Variants in SRP72 observed in about 807,000 individuals in gnomAD.
SRP72 encodes the protein signal recognition particle 72.
SRP72 carries 49 observed loss-of-function variants against 96.3 expected under a neutral mutation model. That is an observed-to-expected ratio of 0.51 (90% CI 0.40 to 0.65). SRP72 has a LOEUF of 0.65. Ranked by LOEUF, SRP72 falls within the 30% of genes least tolerant of loss-of-function variation. The pLI is 0.00. For missense variants in SRP72, 736 were observed against 793.3 expected, an observed-to-expected ratio of 0.93 and a Z score of 0.87; for synonymous variants, 267 against 275.2, an observed-to-expected ratio of 0.97 and a Z score of 0.30.
intron 8 of SRP72, 99 bp downstream of exon 8, chr4:56,478,748 C>A: frequency 1.6e-6 from 2 of 1,270,476 alleles, no homozygotes; most frequent in Non-Finnish European, 2.2e-6. Context: ...TTCTTTTTAA[C>A]ATGATGAAAA....
chr4:56,473,633 C>T (rs1223741886), intron 3 of SRP72, among the ~76,000 whole-genome samples: 2 of 147,608 alleles, frequency 1.4e-5, no homozygotes, highest in African/African-American at 2.5e-5. Context: ...GGCATGGTGG[C>T]GCACGTCTGT....
chr4:56,494,692 C>T (rs1322645989), intron 16 of SRP72, among the ~76,000 whole-genome samples: 1 of 152,182 alleles, frequency 6.6e-6, no homozygotes, highest in Non-Finnish European at 1.5e-5. Context: ...ACGTGAGCCA[C>T]TGTTCCCAGC....
chr4:56,469,440 C>CT lies in SRP72; in HGVS notation c.110-212dup, dbSNP rs1326583714. On this transcript the variant is annotated intron_variant, in intron 1 of 18. Coordinates refer to ENST00000642900, the MANE Select transcript of SRP72 (RefSeq NM_006947.4). ...CTCATTGAAAATTTAATCTATAACT[C>CT]TCCTTATTGTCACTTCTTAAGTTAA... is the stretch of plus-strand genomic sequence containing the variant. 2.0e-5 allele frequency among the ~76,000 whole-genome samples: 3 copies of CT among 152,132 alleles called. 1 individual carries two copies. The highest frequency in any genetic ancestry group is 2.0e-4 in the Admixed American group (3 of 15,262).
rs150748877 is a variant in SRP72 at position 56,491,464 on chromosome 4, G to C, written c.1536G>C (p.Met512Ile). The C allele has an allele frequency of 6.2e-6, 10 of 1,613,914 alleles. No individual in the cohort carries two copies. The East Asian group carries it at 1.1e-4, about 18-fold the overall frequency. Residue 512 changes from methionine (M) to isoleucine (I), a missense_variant, in exon 16 of 19, where the codon ATG becomes ATC. Met to Ile is a conservative substitution (Grantham distance 10, BLOSUM62 1). Around this residue, in one of 3 missense-constraint regions of SRP72, gnomAD observed 388 missense variants for 431.8 expected, o/e 0.90. Coordinates refer to ENST00000642900, the MANE Select transcript of SRP72 (RefSeq NM_006947.4). Reference protein sequence around the residue: ...LSKHLPSSDSMSLKVDVEALE... With the variant: ...LSKHLPSSDSISLKVDVEALE... The stretch of plus-strand genomic sequence containing the variant: ...AACACTTGCCATCGTCAGATAGTAT[G>C]TCTCTAAAAGTAGATGTTGAGGCTC...
At position 56,490,384 on chromosome 4, in the gene SRP72, C is replaced by T. The variant is rs2110127006; in HGVS notation, c.1372C>T (p.Leu458Phe). 1 of 1,613,976 alleles carries T rather than the reference C, an allele frequency of 6.2e-7. No individual in the cohort carries two copies. Among genetic ancestry groups the T allele is most frequent in the Admixed American group, 1.7e-5 (1 of 59,996 alleles). Residue 458 changes from leucine to phenylalanine, a missense_variant, in exon 14 of 19, where the codon CTC becomes TTC. Leu to Phe is a conservative substitution (Grantham distance 22, BLOSUM62 0). This residue lies in a region of SRP72 where 388 missense variants were observed against 431.8 expected (regional missense o/e 0.90). Coordinates refer to ENST00000642900, the MANE Select transcript of SRP72 (RefSeq NM_006947.4). ...SLIREAANFK[L>F]KYGRKKEAIS... ...GATAAGAGAAGCTGCAAACTTCAAACTCAAATATGGGCGGAAGAAGGAGGC... is the reference window on the plus strand; with the variant it reads ...GATAAGAGAAGCTGCAAACTTCAAATTCAAATATGGGCGGAAGAAGGAGGC...
intron 3 of SRP72, among the ~76,000 whole-genome samples, chr4:56,473,256 G>A (rs930710239): frequency 3.3e-5 from 5 of 151,946 alleles, no homozygotes; most frequent in Non-Finnish European, 7.4e-5. Context: ...TCAGGAGATC[G>A]AGACCATCCT....
intron 5 of SRP72, chr4:56,475,831 A>C (rs1720196215): frequency 6.6e-6 from 1 of 152,190 alleles, no homozygotes; most frequent in African/African-American, 2.4e-5. Context: ...AACTTGAGGA[A>C]ATGATTAGAT....
At position 56,471,731 on chromosome 4, in the gene SRP72, C is replaced by A. The variant is rs1387532844; in HGVS notation, c.242C>A (p.Ser81Tyr). Residue 81 changes from serine (S) to tyrosine (Y), a missense_variant, in exon 3 of 19, where the codon TCC becomes TAC. Ser to Tyr is a moderately radical substitution (Grantham distance 144). Transcript: ENST00000642900. ...HTKVLANNSL[S>Y]FEKAYCEYRL... ...TTTTCCTTCTTCAGTAACTCTCTCT[C>A]CTTTGAAAAGGCATATTGCGAGTAC... 2 of 1,612,350 alleles carry A rather than the reference C, an allele frequency of 1.2e-6. No homozygotes were observed. The highest frequency in any genetic ancestry group is 1.7e-6 in the Non-Finnish European group (2 of 1,179,430).
At chr4:56,489,356 G>A (rs1376494180) in intron 12 of SRP72, 32 bp from the exon 13 acceptor site, 1 of 1,269,058 alleles carries the variant, frequency 7.9e-7, no homozygotes, top group South Asian at 1.5e-5. Context: ...AGTGAAGGGG[G>A]AGTTCACTAA....
chr4:56,476,744 G>C (rs778096678), intron 6 of SRP72, 42 bp downstream of exon 6: 3 of 1,585,002 alleles, frequency 1.9e-6, no homozygotes, highest in Non-Finnish European at 2.6e-6. Context: ...TTACACTTCT[G>C]ACTATGATAG....
Position 56,501,769 on chromosome 4 carries a change from A to G in SRP72, c.1924A>G (p.Ile642Val), listed in dbSNP as rs778759548. ...ATVSASTSNI[I>V]PPRHQKPAGA... ...AGTATCTGCCTCTACAAGTAACATCATACCCCCAAGACACCAGAAACCTGC... is the reference window on the plus strand; with the variant it reads ...AGTATCTGCCTCTACAAGTAACATCGTACCCCCAAGACACCAGAAACCTGC... The change falls in exon 19 of 19, where the codon ATA becomes GTA. Residue 642 changes from isoleucine (I) to valine (V), a missense_variant. Transcript: ENST00000642900. The G allele has an allele frequency of 6.2e-7, 1 of 1,614,046 alleles. No homozygotes were observed. The highest frequency in any genetic ancestry group is 1.3e-5 in the African/African-American group (1 of 74,916).
intron 5 of SRP72, among the ~76,000 whole-genome samples, chr4:56,474,770 C>T (rs187660421): frequency 3.5e-3 from 528 of 152,164 alleles, no homozygotes; most frequent in Non-Finnish European, 5.6e-3. Context: ...TTTCACCCTC[C>T]GCCTCCCAGG....
chr4:56,480,090 A>G (rs997543183), intron 8 of SRP72, among the ~76,000 whole-genome samples: 19 of 152,164 alleles, frequency 1.2e-4, no homozygotes, highest in Non-Finnish European at 2.4e-4. Context: ...CTCCTGTGGC[A>G]GAAATGTAGT....
chr4:56,470,365 C>A (rs1222933736), intron 2 of SRP72, among the ~76,000 whole-genome samples: 1 of 151,970 alleles, frequency 6.6e-6, no homozygotes, highest in Non-Finnish European at 1.5e-5. Flanking sequence ...ATGGTGAAAC[C>A]CCATGTCTAC....
rs1473458044 is a variant in SRP72 at position 56,467,652 on chromosome 4, G to C, written c.17G>C (p.Ser6Thr). ...TCCTCCAAGATGGCGAGCGGCGGCAGCGGGGGGGTGTCAGTACCTGCGCTG... is the reference window on the plus strand; with the variant it reads ...TCCTCCAAGATGGCGAGCGGCGGCACCGGGGGGGTGTCAGTACCTGCGCTG... MASGG[S>T]GGVSVPALWS... Residue 6 changes from serine to threonine, a missense_variant, in exon 1 of 19, where the codon AGC (serine) becomes ACC (threonine). Physicochemically the swap from Ser to Thr is moderately conservative, Grantham distance 58. Coordinates refer to ENST00000642900, the MANE Select transcript of SRP72 (RefSeq NM_006947.4). 6.4e-7 allele frequency: 1 copy of C among 1,560,830 alleles called. No individual in the cohort carries two copies. Among genetic ancestry groups the C allele is most frequent in the South Asian group, 1.2e-5 (1 of 85,514 alleles).
At chr4:56,498,740 A>G (rs1362509070) in intron 17 of SRP72, among the ~76,000 whole-genome samples, 1 of 152,224 alleles carries the variant, frequency 6.6e-6, no homozygotes, top group Non-Finnish European at 1.5e-5. Context: ...TTCAAGGAGA[A>G]CTACAAACCA....
At chr4:56,475,868 G>A (rs1174205551) in intron 5 of SRP72, 2 of 152,182 alleles carry the variant, frequency 1.3e-5, no homozygotes, top group Non-Finnish European at 2.9e-5. Flanking sequence ...CTGTGTGAAT[G>A]TTCATTGAAG....
chr4:56,467,825 C>A, intron 1 of SRP72, 81 bp downstream of exon 1: 1 of 1,295,012 alleles, frequency 7.7e-7, no homozygotes, highest in Non-Finnish European at 1.0e-6. Context: ...GACCACCTCG[C>A]GCGGGAGGCA....
chr4:56,478,961 A>AT (rs1271297614), intron 8 of SRP72, among the ~76,000 whole-genome samples: 14 of 152,174 alleles, frequency 9.2e-5, no homozygotes, highest in Admixed American at 6.5e-4. Context: ...ACTTTTAAGT[A>AT]TACGCATGTT....
Sources: gnomAD v4.1 joint callset for allele counts (sites outside exome capture counted in the v4.1 genomes callset) on GRCh38, gnomAD v4.1.1 for gene constraint, gnomAD v4.1.1 regional missense constraint, MANE v1.5 for transcripts, NCBI Gene and HGNC (gene_info 2026-07-23, HGNC 2026-07-21) for gene names.